The following MICU3 variants were observed in gnomAD, a reference collection of about 807,000 sequenced individuals.
MICU3 encodes mitochondrial calcium uptake 3.
A neutral mutation model predicts 66.5 loss-of-function variants in MICU3; 62 were observed. That is an observed-to-expected ratio of 0.93 (90% CI 0.76 to 1.15). The LOEUF is 1.15. Among genes scored for constraint, MICU3 ranks in the 50% most tolerant of loss-of-function variants. The pLI, the probability that MICU3 is intolerant of heterozygous loss-of-function variation, is 0.00. For synonymous variants in MICU3, 308 were observed against 240.7 expected, an observed-to-expected ratio of 1.28 and a Z score of -2.59; for missense variants, 779 against 664.4, an observed-to-expected ratio of 1.17 and a Z score of -1.90.
At chr8:17,036,514 G>A (rs374990010) in intron 1 of MICU3, among the ~76,000 whole-genome samples, 6 of 152,092 alleles carry the variant, frequency 3.9e-5, no homozygotes, top group South Asian at 4.2e-4. Context: ...TGATTGGTGC[G>A]TTTACAATCC....
chr8:17,116,055 T>C (rs953325654), intron 12 of MICU3, among the ~76,000 whole-genome samples: 7 of 152,216 alleles, frequency 4.6e-5, no homozygotes, highest in African/African-American at 1.7e-4. Flanking sequence ...CATCTCCAGA[T>C]TCTCATAGCA....
At chr8:17,027,798 T>G (rs1057018055) in intron 1 of MICU3, 138 bp downstream of exon 1, 1 of 1,101,686 alleles carries the variant, frequency 9.1e-7, no homozygotes, top group African/African-American at 1.6e-5. Flanking sequence ...GGCTGACACC[T>G]AGGCCGGACA....
intron 1 of MICU3, among the ~76,000 whole-genome samples, chr8:17,033,041 C>G (rs1812361261): frequency 6.6e-6 from 1 of 152,146 alleles, no homozygotes; most frequent in Non-Finnish European, 1.5e-5. Flanking sequence ...GTCTCTTTCC[C>G]TCTTCTCGGG....
At chr8:17,132,123 G>A in the MICU3 span, 17 of 152,250 alleles carry the variant, frequency 1.1e-4, no homozygotes, top group South Asian at 1.0e-3. Flanking sequence ...ATAGTCTGTT[G>A]CCCAAAGACT....
At chr8:17,137,440 A>C in the MICU3 span, among the ~76,000 whole-genome samples, 1 of 151,464 alleles carries the variant, frequency 6.6e-6, no homozygotes, top group Non-Finnish European at 1.5e-5. Context: ...ACACTACGAC[A>C]AGTTGAGAGA....
the MICU3 span, among the ~76,000 whole-genome samples, chr8:17,130,808 A>G: frequency 1.3e-5 from 2 of 152,238 alleles, no homozygotes; most frequent in African/African-American, 4.8e-5. Context: ...AGAATAAAAT[A>G]GCAAAGTGAT....
At chr8:17,099,818 AT>A (rs1801101822) in intron 9 of MICU3, among the ~76,000 whole-genome samples, 1 of 151,710 alleles carries the variant, frequency 6.6e-6, no homozygotes, top group Non-Finnish European at 1.5e-5. Context: ...ATCAACAGTC[AT>A]ATCATTGTTG....
intron 1 of MICU3, among the ~76,000 whole-genome samples, chr8:17,049,255 A>G (rs978997319): frequency 2.0e-5 from 3 of 152,164 alleles, no homozygotes; most frequent in African/African-American, 7.2e-5. Context: ...TGAGGCAGTG[A>G]AACCCACAAG....
chr8:17,118,317 T>C (rs1802887844), intron 13 of MICU3, among the ~76,000 whole-genome samples: 1 of 152,202 alleles, frequency 6.6e-6, no homozygotes, highest in Non-Finnish European at 1.5e-5. Context: ...AATATGTATT[T>C]ATGGGGTAAA....
At chr8:17,048,702 A>G (rs1319964371) in intron 1 of MICU3, among the ~76,000 whole-genome samples, 1 of 151,976 alleles carries the variant, frequency 6.6e-6, no homozygotes. Context: ...TGCAGCCCCA[A>G]CCTCCTGGGC....
chr8:17,064,950 A>G (rs1278636264), intron 2 of MICU3, among the ~76,000 whole-genome samples: 1 of 152,144 alleles, frequency 6.6e-6, no homozygotes, highest in African/African-American at 2.4e-5. Context: ...TGGTGGTAAA[A>G]GAGTAATGAG....
At chr8:17,038,939 C>T (rs545593044) in intron 1 of MICU3, among the ~76,000 whole-genome samples, 9 of 141,034 alleles carry the variant, frequency 6.4e-5, no homozygotes, top group South Asian at 2.2e-4. Context: ...GGCGACAGAG[C>T]GAGACTCTGT....
intron 1 of MICU3, among the ~76,000 whole-genome samples, chr8:17,061,516 C>G (rs996373258): frequency 6.6e-6 from 1 of 152,070 alleles, no homozygotes; most frequent in African/African-American, 2.4e-5. Context: ...CAGGTAGAGA[C>G]AGAAGCCACA....
downstream of MICU3, among the ~76,000 whole-genome samples, chr8:17,125,111 A>G (rs967725106): frequency 7.5e-6 from 1 of 133,186 alleles, no homozygotes; most frequent in East Asian, 2.2e-4. Flanking sequence ...TATTATTCAG[A>G]TAATGAATCT....
At chr8:17,083,474 T>C (rs1185885954) in intron 5 of MICU3, among the ~76,000 whole-genome samples, 1 of 152,006 alleles carries the variant, frequency 6.6e-6, no homozygotes, top group Admixed American at 6.6e-5. Flanking sequence ...TTATCATCTT[T>C]CTTTTAAACT....
intron 1 of MICU3, among the ~76,000 whole-genome samples, chr8:17,041,692 G>C (rs1814131799): frequency 6.6e-6 from 1 of 152,050 alleles, no homozygotes; most frequent in South Asian, 2.1e-4. Context: ...ATGTGATAAG[G>C]ACCCAGGTGG....
rs1388955556 is a variant in MICU3, at chr8:17,041,454, A to G, written c.381+13794A>G. The stretch of plus-strand genomic sequence containing the variant: ...TGATTTTGTGAAGACATTGGAGGTG[A>G]TAATCAGATTACAGTTGGATAAGCT... On this transcript the variant is annotated intron_variant, in intron 1 of 14. Transcript: ENST00000318063. 2.0e-5 allele frequency among the ~76,000 whole-genome samples: 3 copies of G among 152,190 alleles called. No individual in the cohort carries two copies. In the East Asian group the frequency reaches 5.8e-4, roughly 29 times the overall value.
chr8:17,114,208 A>G lies in MICU3; in HGVS notation c.1366+7A>G, dbSNP rs370162913. 2 of 1,525,898 alleles carry G rather than the reference A, an allele frequency of 1.3e-6. No individual in the cohort carries two copies. The highest frequency in any genetic ancestry group is 1.8e-6 in the Non-Finnish European group (2 of 1,111,898). 94.5% of individuals were successfully genotyped at this position (1,525,898 alleles called of 1,614,324 possible). ...AGTCGTTCTATAGGGCAAGGTAAGTAATCATCTACAAAAATTAAAAGCAAG... is the reference window on the plus strand; with the variant it reads ...AGTCGTTCTATAGGGCAAGGTAAGTGATCATCTACAAAAATTAAAAGCAAG... On this transcript the variant is annotated splice_region_variant and intron_variant, in intron 12 of 14. Transcript: ENST00000318063.
rs765890964 is a variant in MICU3, at chr8:17,114,322, A to G, written c.1366+121A>G. Reference sequence around the variant, plus strand: ...ATCAACTTGTGTGAAAGTCCGGTGTATACTTTCAGTGACAAGTCAGTTCTG... The same window carrying G: ...ATCAACTTGTGTGAAAGTCCGGTGTGTACTTTCAGTGACAAGTCAGTTCTG... On this transcript the variant is annotated intron_variant, in intron 12 of 14. Transcript: ENST00000318063. The G allele has an allele frequency of 5.0e-6, 3 of 603,952 alleles. No homozygotes were observed. In the Admixed American group the frequency reaches 9.1e-5, roughly 18 times the overall value. 37.4% of individuals were successfully genotyped at this position (603,952 alleles called of 1,614,324 possible).
Sources: gnomAD v4.1 joint callset for allele counts (sites outside exome capture counted in the v4.1 genomes callset) on GRCh38, gnomAD v4.1.1 for gene constraint, MANE v1.5 for transcripts, NCBI Gene and HGNC (gene_info 2026-07-23, HGNC 2026-07-21) for gene names.